The following CCSER1 variants were observed in gnomAD, a reference collection of about 807,000 sequenced individuals.
The protein encoded by CCSER1 is coiled-coil serine rich protein 1, also known as serine-rich coiled-coil domain-containing protein 1.
In CCSER1, 41 loss-of-function variants were observed where a neutral mutation model predicts 82.0. The ratio of observed to expected loss-of-function variants is 0.50; its 90% CI spans 0.39 to 0.65. The LOEUF (loss-of-function observed/expected upper bound fraction) is 0.65. Among genes scored for constraint, CCSER1 ranks in the 30% least tolerant of loss-of-function variants. CCSER1 has a pLI of 0.00. For missense variants in CCSER1, 1,119 were observed against 1,064.2 expected (o/e 1.05, Z -0.72); for synonymous variants, 414 against 383.9 (o/e 1.08, Z -0.92).
chr4:90,157,531 G>C (rs930615868), intron 1 of CCSER1, among the ~76,000 whole-genome samples: 4 of 152,138 alleles, frequency 2.6e-5, no homozygotes, highest in Non-Finnish European at 4.4e-5. Flanking sequence ...TAGATTTGGT[G>C]TTTTCACATA....
intron 9 of CCSER1, among the ~76,000 whole-genome samples, chr4:90,935,658 A>G (rs1234410374): frequency 6.6e-6 from 1 of 152,170 alleles, no homozygotes; most frequent in African/African-American, 2.4e-5. Context: ...ATGGCATTAT[A>G]GTAAGATGTA....
At chr4:91,498,656 C>T (rs1759056702) in intron 10 of CCSER1, among the ~76,000 whole-genome samples, 1 of 151,462 alleles carries the variant, frequency 6.6e-6, no homozygotes, top group Admixed American at 6.6e-5. Flanking sequence ...ATTTTGTAGT[C>T]ACCTTAGGTG....
At chr4:91,356,192 C>T (rs888769158) in intron 10 of CCSER1, among the ~76,000 whole-genome samples, 7 of 152,208 alleles carry the variant, frequency 4.6e-5, no homozygotes, top group African/African-American at 1.4e-4. Flanking sequence ...TTGGCCAGGG[C>T]CCTACAGTCT....
chr4:90,263,497 A>G (rs2153449740), intron 1 of CCSER1, among the ~76,000 whole-genome samples: 1 of 152,272 alleles, frequency 6.6e-6, no homozygotes, highest in East Asian at 1.9e-4. Context: ...ATCATAGTGA[A>G]CTTGTCATGT....
At chr4:90,673,959 G>C (rs1350130880) in intron 6 of CCSER1, among the ~76,000 whole-genome samples, 1 of 151,936 alleles carries the variant, frequency 6.6e-6, no homozygotes, top group Non-Finnish European at 1.5e-5. Context: ...CCTTATGACA[G>C]AAGGCAGTTT....
intron 10 of CCSER1, among the ~76,000 whole-genome samples, chr4:91,566,615 G>A (rs561182696): frequency 6.6e-6 from 1 of 152,142 alleles, no homozygotes; most frequent in Non-Finnish European, 1.5e-5. Flanking sequence ...ACTCAGTCTT[G>A]AGAGGATGTA....
Position 90,911,744 on chromosome 4 carries a change from G to A in CCSER1, c.2095-11626G>A, listed in dbSNP as rs548651305. Reference sequence around the variant, plus strand: ...CCCTTTCCTACCCAAGCAAAGGGGTGACAGACGGCACCTGGAAAATCGGGT... The same window carrying A: ...CCCTTTCCTACCCAAGCAAAGGGGTAACAGACGGCACCTGGAAAATCGGGT... On this transcript the variant is annotated intron_variant, in intron 8 of 10. Transcript: ENST00000509176. 2.2e-4 allele frequency among the ~76,000 whole-genome samples: 34 copies of A among 152,302 alleles called. 1 individual carries two copies. The South Asian group carries it at 4.8e-3, about 21-fold the overall frequency.
chr4:90,763,908 A>G (rs890883607), intron 7 of CCSER1, among the ~76,000 whole-genome samples: 1 of 152,112 alleles, frequency 6.6e-6, no homozygotes, highest in Non-Finnish European at 1.5e-5. Flanking sequence ...GTTTTCTTAT[A>G]ACTTTCCGGT....
chr4:91,340,810 GCAC>G (rs1747675998), intron 10 of CCSER1, among the ~76,000 whole-genome samples: 2 of 152,112 alleles, frequency 1.3e-5, no homozygotes, highest in African/African-American at 4.8e-5. Flanking sequence ...TTCACAGTGG[GCAC>G]CACAATATGA....
At chr4:90,736,962 T>G (rs984150592) in intron 7 of CCSER1, among the ~76,000 whole-genome samples, 34 of 152,118 alleles carry the variant, frequency 2.2e-4, no homozygotes, top group Non-Finnish European at 4.1e-4. Flanking sequence ...ATGGATTGCA[T>G]GAACAAACAA....
intron 1 of CCSER1, among the ~76,000 whole-genome samples, chr4:90,264,189 TCCA>T (rs1177770901): frequency 3.9e-5 from 6 of 152,208 alleles, no homozygotes; most frequent in African/African-American, 1.4e-4. Flanking sequence ...ATTCTCTTCT[TCCA>T]CAATTAACTG....
intron 10 of CCSER1, among the ~76,000 whole-genome samples, chr4:91,231,573 G>A (rs10024993): frequency 8.7e-4 from 132 of 151,536 alleles, no homozygotes; most frequent in Middle Eastern, 3.4e-3. Context: ...TTATTGTGAG[G>A]AAAAGATAGA....
At chr4:91,518,282 T>C (rs920171379) in intron 10 of CCSER1, among the ~76,000 whole-genome samples, 10 of 152,120 alleles carry the variant, frequency 6.6e-5, no homozygotes, top group Non-Finnish European at 1.2e-4. Flanking sequence ...ATTAGTGCTA[T>C]TGGCTCATGA....
chr4:91,133,514 C>T (rs1185142699), intron 10 of CCSER1, among the ~76,000 whole-genome samples: 1 of 152,050 alleles, frequency 6.6e-6, no homozygotes, highest in African/African-American at 2.4e-5. Context: ...TAGATTGACG[C>T]CTCTGGTATT....
At chr4:91,556,678 G>A (rs1465115392) in intron 10 of CCSER1, among the ~76,000 whole-genome samples, 1 of 151,100 alleles carries the variant, frequency 6.6e-6, no homozygotes, top group Non-Finnish European at 1.5e-5. Context: ...GTAGTTGTGG[G>A]ATGAATGGGC....
chr4:90,332,612 A>G (rs952374327), intron 3 of CCSER1, among the ~76,000 whole-genome samples: 3 of 152,186 alleles, frequency 2.0e-5, no homozygotes, highest in Admixed American at 6.5e-5. Flanking sequence ...GGACCTTTAG[A>G]TAGATTTACA....
At chr4:90,671,843 C>T (rs566403193) in intron 6 of CCSER1, among the ~76,000 whole-genome samples, 1 of 151,994 alleles carries the variant, frequency 6.6e-6, no homozygotes, top group African/African-American at 2.4e-5. Flanking sequence ...CCTTCTTGAT[C>T]CATGGGCTGC....
chr4:91,401,284 ATATAC>A (rs1236614158), intron 10 of CCSER1, among the ~76,000 whole-genome samples: 5 of 148,770 alleles, frequency 3.4e-5, no homozygotes, highest in Non-Finnish European at 5.9e-5. Context: ...TGCTACATAG[ATATAC>A]TATATAGTAT....
rs923489886 is a variant in CCSER1, at chr4:90,309,486, A to G, written c.1202A>G (p.Lys401Arg). Reference sequence around the variant, plus strand: ...AAACTTGGATTTTATGAGCAACATAAAGCAATAGCGGAACATGTAAAAGGG... The same window carrying G: ...AAACTTGGATTTTATGAGCAACATAGAGCAATAGCGGAACATGTAAAAGGG... The part of the protein sequence containing the change: ...PRKLGFYEQH[K>R]AIAEHVKGIH... The change falls in exon 2 of 11, where the codon AAA (lysine) becomes AGA (arginine). Residue 401 changes from lysine to arginine, a missense_variant. By Grantham distance (26) the Lys-to-Arg change is conservative. Coordinates refer to ENST00000509176, the MANE Select transcript of CCSER1 (RefSeq NM_001145065.2). 1 of 1,613,732 alleles carries G rather than the reference A, an allele frequency of 6.2e-7. No homozygotes were observed. Among genetic ancestry groups the G allele is most frequent in the Non-Finnish European group, 8.5e-7 (1 of 1,179,794 alleles).
Sources: gnomAD v4.1 joint callset for allele counts (sites outside exome capture counted in the v4.1 genomes callset) on GRCh38, gnomAD v4.1.1 for gene constraint, MANE v1.5 for transcripts, NCBI Gene and HGNC (gene_info 2026-07-23, HGNC 2026-07-21) for gene names.